Variants in VPS13A observed in about 807,000 individuals in gnomAD.
The protein encoded by VPS13A is vacuolar protein sorting 13 homolog A.
Under a neutral mutation model 390.9 loss-of-function variants are expected in VPS13A, and 264 were observed. The observed-to-expected ratio is 0.68, with a 90% CI of 0.61 to 0.75. The LOEUF (loss-of-function observed/expected upper bound fraction) is 0.75. VPS13A is among the 30% of genes least tolerant of loss of function. The pLI is 0.00. For missense variants in VPS13A, 3,409 were observed against 3,733.9 expected (o/e 0.91, Z 2.27); for synonymous variants, 1,231 against 1,227.1 (o/e 1.00, Z -0.07).
chr9:77,393,838 G>C (rs554920831), intron 68 of VPS13A, among the ~76,000 whole-genome samples: 6 of 151,820 alleles, frequency 4.0e-5, no homozygotes, highest in African/African-American at 1.5e-4. Context: ...GTGCAGTCTC[G>C]GCTCACTGCA....
chr9:77,268,697 A>T (rs1317409145), intron 23 of VPS13A, among the ~76,000 whole-genome samples: 1 of 152,088 alleles, frequency 6.6e-6, no homozygotes, highest in Non-Finnish European at 1.5e-5. Flanking sequence ...CCCAGCACTT[A>T]GGGAGCCCGA....
At chr9:77,414,701 GCACGTTGTGCACATGTA>G in intron 71 of VPS13A, among the ~76,000 whole-genome samples, 1 of 151,036 alleles carries the variant, frequency 6.6e-6, no homozygotes, top group African/African-American at 2.4e-5. Flanking sequence ...TAACTAACCT[GCACGTTGTGCACATGTA>G]CCCTAAAACT....
intron 20 of VPS13A, among the ~76,000 whole-genome samples, chr9:77,249,719 A>C (rs1390876746): frequency 1.3e-5 from 2 of 152,168 alleles, no homozygotes; most frequent in Non-Finnish European, 2.9e-5. Flanking sequence ...TTTACTTCTT[A>C]TTGTACAGCC....
chr9:77,407,369 A>G (rs373161149), intron 70 of VPS13A, among the ~76,000 whole-genome samples, 164 bp from the exon 71 acceptor site: 8 of 151,890 alleles, frequency 5.3e-5, no homozygotes, highest in African/African-American at 1.7e-4. Context: ...CTTTTTTTCT[A>G]TTGGTTTTGA....
intron 1 of VPS13A, chr9:77,178,099 C>G: frequency 2.7e-6 from 1 of 365,660 alleles, no homozygotes; most frequent in Non-Finnish European, 5.2e-6. Context: ...GCGTTCAAGT[C>G]CCGGCGAGGG....
At chr9:77,380,131 A>G (rs1218942410) in intron 67 of VPS13A, among the ~76,000 whole-genome samples, 1 of 151,300 alleles carries the variant, frequency 6.6e-6, no homozygotes, top group African/African-American at 2.4e-5. Context: ...ATTTTTTTAA[A>G]GGCTGTTTTT....
At chr9:77,329,872 A>T (rs1830197031) in intron 45 of VPS13A, among the ~76,000 whole-genome samples, 1 of 152,238 alleles carries the variant, frequency 6.6e-6, no homozygotes, top group Non-Finnish European at 1.5e-5. Flanking sequence ...GCTAGTAATC[A>T]GCACTGCCAG....
At position 77,350,573 on chromosome 9, in the gene VPS13A, C is replaced by G. The variant is rs192166318; in HGVS notation, c.7290-744C>G. Among the ~76,000 whole-genome samples, 29 of 152,146 alleles carry G rather than the reference C, an allele frequency of 1.9e-4. No homozygotes were observed. The East Asian group carries it at 5.0e-3, about 26-fold the overall frequency. On this transcript the variant is annotated intron_variant, in intron 52 of 71. Transcript: ENST00000360280. ...AAATTTTAAGTGATAACGTTTTTCTCAAAATTGTATAGGTATTGTGCCATT... is the reference window on the plus strand; with the variant it reads ...AAATTTTAAGTGATAACGTTTTTCTGAAAATTGTATAGGTATTGTGCCATT...
intron 52 of VPS13A, among the ~76,000 whole-genome samples, chr9:77,346,957 C>A (rs1449368020): frequency 6.6e-6 from 1 of 152,172 alleles, no homozygotes; most frequent in African/African-American, 2.4e-5. Context: ...TTCCCTACTT[C>A]ATGTTTTTGT....
rs1340706594 is a variant in VPS13A, at chr9:77,295,696, C to T, written c.3662C>T (p.Pro1221Leu). Reference protein sequence around the residue: ...INIKAPVVVIPQSPVSENVFV... With the variant: ...INIKAPVVVILQSPVSENVFV... ...ATCAAAGCCCCAGTTGTGGTCATCC[C>T]GCAGTCTCCAGTTTCTGAAAATGTT... is the stretch of plus-strand genomic sequence containing the variant. Residue 1221 changes from proline (P) to leucine (L), a missense_variant, in exon 33 of 72, where the codon CCG becomes CTG. This residue lies in a region of VPS13A where 2,717 missense variants were observed against 2,917.4 expected (regional missense o/e 0.93). Coordinates refer to ENST00000360280, the MANE Select transcript of VPS13A (RefSeq NM_033305.3). 6 of 1,614,010 alleles carry T rather than the reference C, an allele frequency of 3.7e-6. No individual in the cohort carries two copies. Among genetic ancestry groups the T allele is most frequent in the South Asian group, 1.1e-5 (1 of 91,080 alleles).
At chr9:77,299,708 A>G (rs965576364) in intron 33 of VPS13A, among the ~76,000 whole-genome samples, 51 of 152,234 alleles carry the variant, frequency 3.4e-4, no homozygotes, top group African/African-American at 1.2e-3. Context: ...AATAAAGAAA[A>G]TGTGGCACAT....
chr9:77,185,942 C>T (rs1221067062), intron 1 of VPS13A, among the ~76,000 whole-genome samples: 5 of 152,114 alleles, frequency 3.3e-5, no homozygotes, highest in Non-Finnish European at 4.4e-5. Context: ...GCCTGGTCAA[C>T]ATGGTGAAAC....
intron 71 of VPS13A, among the ~76,000 whole-genome samples, chr9:77,414,739 T>TTAATAATAG: frequency 6.9e-6 from 1 of 145,696 alleles, no homozygotes; most frequent in Admixed American, 6.9e-5. Flanking sequence ...TGAAGTATAA[T>TTAATAATAG]TAATAATAAT....
chr9:77,314,649 A>G lies in VPS13A; in HGVS notation c.4397A>G (p.Lys1466Arg), dbSNP rs746582429. 15 of 1,612,254 alleles carry G rather than the reference A, an allele frequency of 9.3e-6. No individual in the cohort carries two copies. The highest frequency in any genetic ancestry group is 1.7e-5 in the Admixed American group (1 of 59,962). The change falls in exon 37 of 72, where the codon AAG (lysine) becomes AGG (arginine). Residue 1466 changes from lysine to arginine, a missense_variant. By Grantham distance (26) the Lys-to-Arg change is conservative. Around this residue, in one of 5 missense-constraint regions of VPS13A, gnomAD observed 2,717 missense variants for 2,917.4 expected, o/e 0.93. Transcript: ENST00000360280. ...TTAGATGATAAAAGACCTCATGTCA[A>G]GAAAGCAACTCCTCGGTATGTATTG... is the stretch of plus-strand genomic sequence containing the variant. The part of the protein sequence containing the change: ...CILDDKRPHV[K>R]KATPRMIGLT...
intron 53 of VPS13A, among the ~76,000 whole-genome samples, chr9:77,352,278 TAA>T (rs899600119): frequency 6.6e-6 from 1 of 152,222 alleles, no homozygotes; most frequent in Non-Finnish European, 1.5e-5. Flanking sequence ...AGAAAATTTT[TAA>T]AAGTTTTTAA....
intron 1 of VPS13A, among the ~76,000 whole-genome samples, chr9:77,193,178 T>C (rs1178828348): frequency 6.6e-6 from 1 of 152,242 alleles, no homozygotes; most frequent in Non-Finnish European, 1.5e-5. Context: ...GTGAGTTTTT[T>C]AGCTCTGTCA....
At chr9:77,185,019 G>A (rs1589964953) in intron 1 of VPS13A, among the ~76,000 whole-genome samples, 1 of 152,152 alleles carries the variant, frequency 6.6e-6, no homozygotes, top group East Asian at 1.9e-4. Context: ...ATAAAATCAG[G>A]TGCGAACCCT....
At chr9:77,327,107 C>A (rs891926643) in intron 45 of VPS13A, among the ~76,000 whole-genome samples, 15 of 152,110 alleles carry the variant, frequency 9.9e-5, no homozygotes, top group African/African-American at 3.4e-4. Context: ...AGTCATAGGG[C>A]TTATGTAGTT....
chr9:77,287,224 TTC>T (rs147295666), intron 31 of VPS13A, among the ~76,000 whole-genome samples: 432 of 144,662 alleles, frequency 3.0e-3, no homozygotes, highest in East Asian at 6.5e-3. Context: ...ATACATAAAA[TTC>T]TCTCTCTCTC....
Sources: allele counts gnomAD v4.1 joint callset (sites outside exome capture counted in the v4.1 genomes callset), GRCh38; gene constraint gnomAD v4.1.1; regional missense constraint gnomAD v4.1.1; transcripts MANE v1.5; gene names NCBI Gene and HGNC (gene_info 2026-07-23, HGNC 2026-07-21).